Variants in CHODL observed in about 807,000 individuals in gnomAD.
CHODL encodes chondrolectin.
CHODL carries 29 observed loss-of-function variants against 34.5 expected under a neutral mutation model. The ratio of observed to expected loss-of-function variants is 0.84; its 90% CI spans 0.63 to 1.15. CHODL has a LOEUF of 1.15. Among genes scored for constraint, CHODL ranks in the 50% most tolerant of loss-of-function variants. The pLI is 0.00. For synonymous variants in CHODL, 125 were observed against 116.1 expected, an observed-to-expected ratio of 1.08 and a Z score of -0.49; for missense variants, 332 against 332.5, an observed-to-expected ratio of 1.00 and a Z score of 0.01.
chr21:18,167,367 T>C (rs1481867486), intron 2 of CHODL, among the ~76,000 whole-genome samples: 1 of 149,162 alleles, frequency 6.7e-6, no homozygotes, highest in Non-Finnish European at 1.5e-5. Flanking sequence ...TGGAGTGCAG[T>C]GGTGTGATCT....
chr21:18,001,764 C>T (rs1240763984), intron 1 of CHODL, among the ~76,000 whole-genome samples: 2 of 143,880 alleles, frequency 1.4e-5, no homozygotes, highest in African/African-American at 5.4e-5. Context: ...CATACGTTGG[C>T]CTCATCCTCT....
chr21:18,124,760 A>G (rs1211032872), intron 2 of CHODL, among the ~76,000 whole-genome samples: 2 of 152,236 alleles, frequency 1.3e-5, no homozygotes, highest in Admixed American at 6.5e-5. Context: ...AAGAAAGTGA[A>G]TAGTGTTCTG....
chr21:18,163,319 TC>T (rs1385769035), intron 2 of CHODL, among the ~76,000 whole-genome samples: 8 of 152,206 alleles, frequency 5.3e-5, no homozygotes, highest in Admixed American at 5.2e-4. Context: ...TTTTGTAGCA[TC>T]TTAATGGGTG....
intron 2 of CHODL, among the ~76,000 whole-genome samples, chr21:18,129,017 A>G (rs2072617186): frequency 6.6e-6 from 1 of 152,128 alleles, no homozygotes; most frequent in South Asian, 2.1e-4. Context: ...AAATATAGCC[A>G]TATAAGATGT....
chr21:17,927,150 G>A (rs10446093), intron 1 of CHODL, among the ~76,000 whole-genome samples: 53 of 54,760 alleles, frequency 9.7e-4, no homozygotes, highest in East Asian at 3.1e-3. Context: ...ATGTATATAT[G>A]TATATATATG....
chr21:18,028,723 G>A (rs1031260816), intron 2 of CHODL, among the ~76,000 whole-genome samples: 942 of 84,464 alleles, frequency 0.011, 13 homozygotes, highest in Non-Finnish European at 0.014. Context: ...AAAAAAAAAA[G>A]AACTAGTCTT....
At chr21:18,003,672 T>G (rs2063932713) in intron 1 of CHODL, among the ~76,000 whole-genome samples, 1 of 152,206 alleles carries the variant, frequency 6.6e-6, no homozygotes, top group African/African-American at 2.4e-5. Flanking sequence ...GTCCTTTTTT[T>G]TCCTGTTTCT....
chr21:18,189,506 T>C (rs1487459100), intron 2 of CHODL, among the ~76,000 whole-genome samples: 1 of 152,138 alleles, frequency 6.6e-6, no homozygotes, highest in East Asian at 1.9e-4. Flanking sequence ...GGGAGGACAT[T>C]GATAATTGTT....
chr21:18,261,360 T>TAAAA lies in CHODL; in HGVS notation c.634+1086_634+1089dup, dbSNP rs60033114. On this transcript the variant is annotated intron_variant, in intron 4 of 5. Transcript: ENST00000299295. ...ATGTACACTAAAACTTAAAGTATGA[T>TAAAA]AAAAAAAAAAAAAAAGATCAGTAGG... Among the ~76,000 whole-genome samples, 167 of 137,840 alleles carry TAAAA rather than the reference T, an allele frequency of 1.2e-3. 1 individual carries two copies. Among genetic ancestry groups the TAAAA allele is most frequent in the African/African-American group, 4.0e-3 (153 of 38,440 alleles). 90.4% of individuals were successfully genotyped at this position (137,840 alleles called of 152,430 possible). A position where few individuals can be genotyped will look rare whatever the true frequency, so the allele number is the denominator to read the frequency against.
chr21:18,051,738 G>A (rs898983385), intron 2 of CHODL, among the ~76,000 whole-genome samples: 12 of 151,950 alleles, frequency 7.9e-5, no homozygotes, highest in Admixed American at 7.2e-4. Context: ...AAGACTTCCC[G>A]TTAACTACTT....
chr21:18,064,182 C>T (rs2064703348), intron 2 of CHODL, among the ~76,000 whole-genome samples: 2 of 152,088 alleles, frequency 1.3e-5, no homozygotes, highest in African/African-American at 2.4e-5. Flanking sequence ...TTAAGTTATA[C>T]CCATCTCTCC....
chr21:18,192,109 C>T (rs1234926574), intron 2 of CHODL, among the ~76,000 whole-genome samples: 1 of 152,120 alleles, frequency 6.6e-6, no homozygotes, highest in Non-Finnish European at 1.5e-5. Context: ...TTGAATACCC[C>T]TGTCCCTCCT....
At chr21:18,239,055 A>G (rs919407482) in intron 2 of CHODL, among the ~76,000 whole-genome samples, 1 of 152,090 alleles carries the variant, frequency 6.6e-6, no homozygotes, top group African/African-American at 2.4e-5. Flanking sequence ...TTACTGTAAC[A>G]TGCTCCGTTA....
chr21:18,012,973 T>G (rs1390173201), intron 1 of CHODL, among the ~76,000 whole-genome samples: 1 of 152,210 alleles, frequency 6.6e-6, no homozygotes, highest in Non-Finnish European at 1.5e-5. Context: ...TAGCATAAAA[T>G]TTTAGTGTAA....
intron 2 of CHODL, among the ~76,000 whole-genome samples, chr21:18,148,238 C>T (rs2072921038): frequency 6.6e-6 from 1 of 152,034 alleles, no homozygotes; most frequent in Admixed American, 6.6e-5. Flanking sequence ...ATTTTTTAAG[C>T]AATCACAACT....
In CHODL at chr21:18,236,693, A is replaced by T. The variant is rs183788142; in HGVS notation, c.-44-19816A>T. 1.0e-3 allele frequency among the ~76,000 whole-genome samples: 158 copies of T among 152,244 alleles called. 1 individual carries two copies. Among genetic ancestry groups the T allele is most frequent in the African/African-American group, 3.8e-3 (157 of 41,566 alleles). On this transcript the variant is annotated intron_variant, in intron 2 of 6. Transcript: ENST00000400127. ...TCAAAAAATTTTGCAAAATTTGATTAAAAATCTGTAAAATATTTTAAATCT... is the reference window on the plus strand; with the variant it reads ...TCAAAAAATTTTGCAAAATTTGATTTAAAATCTGTAAAATATTTTAAATCT...
intron 1 of CHODL, among the ~76,000 whole-genome samples, chr21:17,948,901 T>G (rs1194569653): frequency 6.6e-6 from 1 of 152,122 alleles, no homozygotes; most frequent in Non-Finnish European, 1.5e-5. Flanking sequence ...TCGAGACTCA[T>G]TCTACCAGGC....
At chr21:18,010,586 T>A (rs1448457541) in intron 1 of CHODL, among the ~76,000 whole-genome samples, 1 of 152,232 alleles carries the variant, frequency 6.6e-6, no homozygotes, top group Non-Finnish European at 1.5e-5. Context: ...AGGGACCCAC[T>A]TTTCCACAAG....
intron 4 of CHODL, among the ~76,000 whole-genome samples, chr21:18,262,302 C>A (rs1026687543): frequency 7.9e-5 from 12 of 152,064 alleles, no homozygotes; most frequent in African/African-American, 2.9e-4. Flanking sequence ...AGAAATGCAC[C>A]ATTAGGCAAT....
Sources: gnomAD v4.1 joint callset for allele counts (sites outside exome capture counted in the v4.1 genomes callset) on GRCh38, gnomAD v4.1.1 for gene constraint, MANE v1.5 for transcripts, NCBI Gene and HGNC (gene_info 2026-07-23, HGNC 2026-07-21) for gene names.